Variants in CLSTN1 observed in about 807,000 individuals in gnomAD.
CLSTN1 encodes the protein calsyntenin-1.
CLSTN1 carries 28 observed loss-of-function variants against 108.3 expected under a neutral mutation model. The observed-to-expected ratio is 0.26, with a 90% CI of 0.19 to 0.35. The LOEUF is 0.35. Among genes scored for constraint, CLSTN1 ranks in the 10% least tolerant of loss-of-function variants. The pLI, the probability that CLSTN1 is intolerant of heterozygous loss-of-function variation, is 1.00. For synonymous variants in CLSTN1, 524 were observed against 534.9 expected, an observed-to-expected ratio of 0.98 and a Z score of 0.28; for missense variants, 1,157 against 1,302.6, an observed-to-expected ratio of 0.89 and a Z score of 1.72.
chr1:9,754,773 T>C (rs1022460901), intron 4 of CLSTN1, among the ~76,000 whole-genome samples: 1 of 152,120 alleles, frequency 6.6e-6, no homozygotes, highest in Non-Finnish European at 1.5e-5. Flanking sequence ...GAGAATCGCT[T>C]GAACCCAGGA....
At chr1:9,770,870 T>G (rs1652641315) in intron 2 of CLSTN1, among the ~76,000 whole-genome samples, 1 of 152,094 alleles carries the variant, frequency 6.6e-6, no homozygotes, top group South Asian at 2.1e-4. Flanking sequence ...GGCGGGCACC[T>G]GTAATCCCAG....
intron 2 of CLSTN1, among the ~76,000 whole-genome samples, chr1:9,766,380 C>T (rs939834146): frequency 3.3e-5 from 5 of 152,150 alleles, no homozygotes; most frequent in Admixed American, 2.6e-4. Flanking sequence ...CAAAATAGGC[C>T]GGGCGCGGTG....
chr1:9,794,797 TCAAAACATAA>T (rs1215358768), intron 1 of CLSTN1, among the ~76,000 whole-genome samples: 3 of 151,560 alleles, frequency 2.0e-5, no homozygotes, highest in Non-Finnish European at 4.4e-5. Context: ...CCATCCTTAA[TCAAAACATAA>T]CAGACCAGGG....
Position 9,812,667 on chromosome 1 carries a change from A to G in CLSTN1, c.91+10976T>C, listed in dbSNP as rs184170342. Among the ~76,000 whole-genome samples, 290 of 151,842 alleles carry G rather than the reference A, an allele frequency of 1.9e-3. 2 individuals carry two copies. Among genetic ancestry groups the G allele is most frequent in the African/African-American group, 6.6e-3 (275 of 41,386 alleles). Reference sequence around the variant, plus strand: ...TTCAAGACCAGCCTGACAAACATGGAGAAACCCCATCTCTACTAAAAATAC... The same window carrying G: ...TTCAAGACCAGCCTGACAAACATGGGGAAACCCCATCTCTACTAAAAATAC... On this transcript the variant is annotated intron_variant, in intron 1 of 18. Coordinates refer to ENST00000377298, the MANE Select transcript of CLSTN1 (RefSeq NM_001009566.3).
chr1:9,738,568 C>A (rs910434477), intron 10 of CLSTN1, among the ~76,000 whole-genome samples: 1 of 152,314 alleles, frequency 6.6e-6, no homozygotes, highest in Middle Eastern at 3.4e-3. Flanking sequence ...CCACGGCCAA[C>A]GTGTAGCAAA....
chr1:9,785,664 TC>T (rs1653453723), intron 1 of CLSTN1, among the ~76,000 whole-genome samples: 1 of 151,880 alleles, frequency 6.6e-6, no homozygotes, highest in Admixed American at 6.6e-5. Flanking sequence ...GCAATCCTCC[TC>T]CCTCCTCCCT....
At chr1:9,810,449 C>A (rs1045077254) in intron 1 of CLSTN1, among the ~76,000 whole-genome samples, 5 of 151,412 alleles carry the variant, frequency 3.3e-5, no homozygotes, top group Non-Finnish European at 5.9e-5. Context: ...GCACTCCAGG[C>A]TGGGCAACAG....
At position 9,751,500 on chromosome 1, in the gene CLSTN1, C is replaced by G. The variant is rs1314646373; in HGVS notation, c.622G>C (p.Asp208His). 5.0e-6 allele frequency: 8 copies of G among 1,614,104 alleles called. No individual in the cohort carries two copies. The highest frequency in any genetic ancestry group is 6.8e-6 in the Non-Finnish European group (8 of 1,180,020). The change falls in exon 5 of 19, where the codon GAC becomes CAC. Residue 208 changes from aspartate to histidine, a missense_variant. Physicochemically the swap from Asp to His is moderately conservative, Grantham distance 81. Transcript: ENST00000377298. ...TCTTTGTCAACAGTAAAGGGCACGT[C>G]TGGAGTGATGATTTCGTAGCTGCAA... ...QICSYEIITPDVPFTVDKDGY... is the reference protein window; with the variant it reads ...QICSYEIITPHVPFTVDKDGY...
chr1:9,824,129 G>A (rs1259771689), upstream of CLSTN1: 1 of 146,136 alleles, frequency 6.8e-6, no homozygotes, highest in East Asian at 2.0e-4. The surrounding 1 kb of genome is among the most constrained non-coding windows in gnomAD (Gnocchi z 5.0). Context: ...AGCGCGCGCG[G>A]CGGACCCGGC....
intron 2 of CLSTN1, among the ~76,000 whole-genome samples, chr1:9,772,138 G>A (rs1319017000): frequency 9.6e-5 from 9 of 93,624 alleles, no homozygotes; most frequent in African/African-American, 3.5e-4. Context: ...CACCACACCC[G>A]GCTTTTTTTT....
chr1:9,797,837 G>A (rs1654078021), intron 1 of CLSTN1, among the ~76,000 whole-genome samples: 1 of 151,858 alleles, frequency 6.6e-6, no homozygotes, highest in South Asian at 2.1e-4. Flanking sequence ...TTCCTCAATC[G>A]ATTAAAAATA....
rs1553180015 is a variant in CLSTN1, at chr1:9,776,894, C to CTATCTATT, written c.92-3501_92-3500insAATAGATA. ...TCTATCTATCTATCTATCTATCTAT[C>CTATCTATT]TATCTATCTATCAGCATTTACTACA... On this transcript the variant is annotated intron_variant, in intron 1 of 18. Coordinates refer to ENST00000377298, the MANE Select transcript of CLSTN1 (RefSeq NM_001009566.3). Among the ~76,000 whole-genome samples the CTATCTATT allele has an allele frequency of 2.7e-3, 417 of 151,760 alleles. 5 individuals carry two copies. Among genetic ancestry groups the CTATCTATT allele is most frequent in the African/African-American group, 9.5e-3 (394 of 41,290 alleles).
At position 9,744,696 on chromosome 1, in the gene CLSTN1, A is replaced by G. The variant is rs147903962; in HGVS notation, c.986-53T>C. ...ATGTGAGGAGCCAGAGGTCCCGCGC[A>G]CCTCAAGCCCCCAGGCACGTGCTTG... On this transcript the variant is annotated intron_variant, in intron 7 of 18. Transcript: ENST00000377298. The G allele has an allele frequency of 3.1e-3, 4,802 of 1,538,986 alleles. 92 individuals are homozygous for G. The East Asian group carries it at 0.047, about 15-fold the overall frequency.
intron 1 of CLSTN1, among the ~76,000 whole-genome samples, chr1:9,786,847 C>G (rs916316543): frequency 6.6e-6 from 1 of 151,192 alleles, no homozygotes; most frequent in African/African-American, 2.4e-5. Flanking sequence ...GAGCGCAAGG[C>G]ATGCATGGTG....
At chr1:9,760,064 C>T (rs537094083) in intron 2 of CLSTN1, among the ~76,000 whole-genome samples, 1 of 152,016 alleles carries the variant, frequency 6.6e-6, no homozygotes, top group East Asian at 1.9e-4. Flanking sequence ...TGCAGATTTC[C>T]TGCTTGTTGG....
At chr1:9,820,357 A>G (rs775226360) in intron 1 of CLSTN1, among the ~76,000 whole-genome samples, 1 of 152,082 alleles carries the variant, frequency 6.6e-6, no homozygotes, top group Non-Finnish European at 1.5e-5. Context: ...TGTCTCTACT[A>G]AAAATACAAA....
upstream of CLSTN1, chr1:9,824,134 C>T (rs1405195234): frequency 6.8e-6 from 1 of 146,114 alleles, no homozygotes. This position sits in a 1 kb window ranked among gnomAD's most constrained non-coding sequence, Gnocchi z 5.0. Flanking sequence ...GCGCGGCGGA[C>T]CCGGCAGCGG....
intron 1 of CLSTN1, among the ~76,000 whole-genome samples, chr1:9,789,359 C>A (rs1653658395): frequency 6.6e-6 from 1 of 151,412 alleles, no homozygotes; most frequent in Non-Finnish European, 1.5e-5. Context: ...TTATTTTCTG[C>A]TTTTTGATAG....
At chr1:9,731,043 C>G in intron 18 of CLSTN1, 163 bp downstream of exon 18, 1 of 794,250 alleles carries the variant, frequency 1.3e-6, no homozygotes, top group Non-Finnish European at 2.1e-6. Flanking sequence ...AATAAGGTCT[C>G]TCTCAGCCTC....
Sources: allele counts gnomAD v4.1 joint callset (sites outside exome capture counted in the v4.1 genomes callset), GRCh38; gene constraint gnomAD v4.1.1; non-coding constraint Gnocchi (gnomAD v3.1); transcripts MANE v1.5; gene names NCBI Gene and HGNC (gene_info 2026-07-23, HGNC 2026-07-21).